Variants in CUX1 observed in about 807,000 individuals in gnomAD.
CUX1 encodes the protein protein CASP.
Under a neutral mutation model 158.8 loss-of-function variants are expected in CUX1, and 31 were observed. That is an observed-to-expected ratio of 0.20 (90% CI 0.15 to 0.26). CUX1 has a LOEUF of 0.26. Ranked by LOEUF, CUX1 falls within the 10% of genes least tolerant of loss-of-function variation. The pLI is 1.00. For missense variants in CUX1, 1,589 were observed against 2,014.6 expected, an observed-to-expected ratio of 0.79 and a Z score of 4.04; for synonymous variants, 879 against 862.1, an observed-to-expected ratio of 1.02 and a Z score of -0.34.
chr7:102,197,388 G>A, intron 15 of CUX1, 83 bp downstream of exon 15: 2 of 1,443,704 alleles, frequency 1.4e-6, no homozygotes, highest in Non-Finnish European at 1.9e-6. Context: ...GCGTGTGTCT[G>A]TGTGCGTGAT....
At chr7:102,029,141 C>T (rs1028136329) in intron 3 of CUX1, among the ~76,000 whole-genome samples, 6 of 151,960 alleles carry the variant, frequency 3.9e-5, no homozygotes, top group African/African-American at 1.2e-4. Context: ...TGCAGGTGTG[C>T]ACCACCACAC....
At chr7:101,987,547 C>A (rs1814485276) in intron 2 of CUX1, among the ~76,000 whole-genome samples, 1 of 152,212 alleles carries the variant, frequency 6.6e-6, no homozygotes, top group Non-Finnish European at 1.5e-5. Flanking sequence ...GGAACCTTGA[C>A]CCCGGTGACT....
chr7:102,213,523 C>T lies in CUX1; in HGVS notation c.3130+8353C>T, dbSNP rs545566561. 4.6e-4 allele frequency among the ~76,000 whole-genome samples: 70 copies of T among 152,316 alleles called. 1 individual carries two copies. The South Asian group carries it at 0.013, about 29-fold the overall frequency. ...TCCCTGGACCCTCCATCCTGGTGCT[C>T]CCTGGTTTCCCCTTCTGAAAAGGCC... On this transcript the variant is annotated intron_variant, in intron 20 of 23. Transcript: ENST00000292535.
At chr7:101,923,660 C>T (rs893034790) in intron 2 of CUX1, among the ~76,000 whole-genome samples, 10 of 152,212 alleles carry the variant, frequency 6.6e-5, no homozygotes, top group Non-Finnish European at 1.0e-4. Context: ...TTAATCCCAA[C>T]GATGCCTGGT....
At chr7:102,055,537 C>T (rs1294289990) in intron 3 of CUX1, among the ~76,000 whole-genome samples, 2 of 152,060 alleles carry the variant, frequency 1.3e-5, no homozygotes, top group Admixed American at 6.6e-5. Context: ...TTTGGGGACA[C>T]CACAAACTGT....
At chr7:102,027,968 G>A (rs1273513866) in intron 2 of CUX1, 130 bp from the exon 3 acceptor site, 5 of 807,540 alleles carry the variant, frequency 6.2e-6, no homozygotes, top group African/African-American at 1.7e-5. Context: ...GAATGGGTGA[G>A]GTCCCAGGCT....
In CUX1 at chr7:102,146,415, G is replaced by A. The variant is rs371451482; in HGVS notation, c.675-12145G>A. On this transcript the variant is annotated intron_variant, in intron 8 of 23. Transcript: ENST00000292535. Reference sequence around the variant, plus strand: ...GTAGAAAGTTGACCCCGCACGTGCCGTAGAAGGTCATTTCGTTCGGTTCAT... The same window carrying A: ...GTAGAAAGTTGACCCCGCACGTGCCATAGAAGGTCATTTCGTTCGGTTCAT... 4.6e-5 allele frequency among the ~76,000 whole-genome samples: 7 copies of A among 152,268 alleles called. No homozygotes were observed. In the East Asian group the frequency reaches 1.2e-3, roughly 25 times the overall value.
At chr7:102,227,207 G>GT (rs1298905627) in intron 20 of CUX1, among the ~76,000 whole-genome samples, 160 bp from the exon 21 acceptor site, 2 of 151,966 alleles carry the variant, frequency 1.3e-5, no homozygotes, top group Non-Finnish European at 2.9e-5. Flanking sequence ...GTTACTCTCA[G>GT]TCAAAAAAAT....
chr7:101,875,522 T>A (rs1799035636), intron 1 of CUX1, among the ~76,000 whole-genome samples: 1 of 152,156 alleles, frequency 6.6e-6, no homozygotes. Flanking sequence ...GAAGGGAAGC[T>A]AGGGGAGGAT....
chr7:102,236,471 T>A (rs929987831), intron 22 of CUX1, among the ~76,000 whole-genome samples: 4 of 152,234 alleles, frequency 2.6e-5, no homozygotes, highest in African/African-American at 9.6e-5. Flanking sequence ...TTTTAAAGTC[T>A]CGCTATATTG....
At position 101,827,705 on chromosome 7, in the gene CUX1, G is replaced by A. The variant is rs532353908; in HGVS notation, c.30+10036G>A. 3.7e-4 allele frequency among the ~76,000 whole-genome samples: 56 copies of A among 152,252 alleles called. No homozygotes were observed. The South Asian group carries it at 0.011, about 31-fold the overall frequency. On this transcript the variant is annotated intron_variant, in intron 1 of 23. Transcript: ENST00000292535. ...TAAACAGTTGCTTAACATGTATTTT[G>A]TATGTTAATATGTGTGATATACTGT...
At chr7:102,260,894 T>C (rs2694155), downstream of CUX1, among the ~76,000 whole-genome samples, 138,710 of 152,268 alleles carry the variant, frequency 0.91, 63,382 homozygotes, top group East Asian at 0.98. Context: ...CTCCACGGTC[T>C]TAACATGCCA....
At chr7:102,027,626 T>C (rs1334246182) in intron 2 of CUX1, among the ~76,000 whole-genome samples, 1 of 152,140 alleles carries the variant, frequency 6.6e-6, no homozygotes, top group African/African-American at 2.4e-5. Flanking sequence ...TTTGGGATGC[T>C]AGGGTGGGCA....
intron 13 of CUX1, among the ~76,000 whole-genome samples, chr7:102,195,118 A>C (rs1794655364): frequency 2.2e-5 from 1 of 45,404 alleles, no homozygotes. Flanking sequence ...GTGGCTGGCA[A>C]AAAAAAAAAA....
intron 3 of CUX1, among the ~76,000 whole-genome samples, chr7:102,059,853 G>A (rs924645906): frequency 2.0e-5 from 3 of 152,042 alleles, no homozygotes; most frequent in Non-Finnish European, 4.4e-5. Context: ...CCTATAGTCC[G>A]ACAGAGCTCA....
At chr7:101,929,851 C>T (rs1278727206) in intron 2 of CUX1, among the ~76,000 whole-genome samples, 1 of 151,822 alleles carries the variant, frequency 6.6e-6, no homozygotes, top group Non-Finnish European at 1.5e-5. Flanking sequence ...AATTTTTTTT[C>T]TTTTTTTGAG....
At chr7:101,856,855 C>A (rs1203663450) in intron 1 of CUX1, among the ~76,000 whole-genome samples, 1 of 152,202 alleles carries the variant, frequency 6.6e-6, no homozygotes, top group African/African-American at 2.4e-5. Flanking sequence ...CCTCCTTGAC[C>A]TCTCTGTGTC....
intron 10 of CUX1, among the ~76,000 whole-genome samples, chr7:102,174,198 C>T (rs1282450669): frequency 6.6e-6 from 1 of 152,132 alleles, no homozygotes; most frequent in African/African-American, 2.4e-5. Context: ...GGGCTCACTG[C>T]AACCTCCACT....
intron 6 of CUX1, among the ~76,000 whole-genome samples, chr7:102,108,898 G>A (rs1830632806): frequency 6.6e-6 from 1 of 152,018 alleles, no homozygotes; most frequent in Admixed American, 6.6e-5. Flanking sequence ...GGGGTTACAG[G>A]TGCCCAACAT....
Sources: allele counts gnomAD v4.1 joint callset (sites outside exome capture counted in the v4.1 genomes callset), GRCh38; gene constraint gnomAD v4.1.1; transcripts MANE v1.5; gene names NCBI Gene and HGNC (gene_info 2026-07-23, HGNC 2026-07-21).